CYP39A1: variants seen among roughly 807,000 people sequenced by gnomAD.
The protein encoded by CYP39A1 is cytochrome P450 family 39 subfamily A member 1.
A neutral mutation model predicts 58.1 loss-of-function variants in CYP39A1; 49 were observed. That is an observed-to-expected ratio of 0.84 (90% confidence interval 0.67 to 1.07). CYP39A1 has a LOEUF of 1.07. CYP39A1 is among the 50% of genes least tolerant of loss of function. The pLI is 0.00. For missense variants in CYP39A1, 531 were observed against 539.4 expected, an observed-to-expected ratio of 0.98 and a Z score of 0.16; for synonymous variants, 209 against 187.6, an observed-to-expected ratio of 1.11 and a Z score of -0.93.
In CYP39A1 at chr6:46,575,086, G is replaced by A. The variant is rs577578776; in HGVS notation, c.1250+11991C>T. ...AGAGCCTCCTAAAGAAAGGGTAAGT[G>A]AAATAGGCATGGAGTGGCTCACCTT... On this transcript the variant is annotated intron_variant, in intron 10 of 11. Coordinates refer to ENST00000275016, the MANE Select transcript of CYP39A1 (RefSeq NM_016593.5). Among the ~76,000 whole-genome samples the A allele has an allele frequency of 2.5e-3, 378 of 152,222 alleles. 1 individual carries two copies. The highest frequency in any genetic ancestry group is 2.9e-3 in the Non-Finnish European group (197 of 68,008).
intron 7 of CYP39A1, among the ~76,000 whole-genome samples, chr6:46,596,949 T>G (rs796872690): frequency 2.0e-5 from 3 of 152,268 alleles, no homozygotes; most frequent in African/African-American, 7.2e-5. Context: ...TCAGTTTAAT[T>G]AAGTCAACGC....
chr6:46,591,698 A>T (rs1772846968), intron 8 of CYP39A1, among the ~76,000 whole-genome samples: 1 of 152,082 alleles, frequency 6.6e-6, no homozygotes, highest in African/African-American at 2.4e-5. Flanking sequence ...GGGATCATGA[A>T]ACCAAAAAGT....
intron 7 of CYP39A1, among the ~76,000 whole-genome samples, chr6:46,607,105 A>G (rs950896124): frequency 6.6e-6 from 1 of 152,188 alleles, no homozygotes; most frequent in African/African-American, 2.4e-5. Flanking sequence ...AAAGCCTTCA[A>G]CCTTGCTACT....
At chr6:46,608,468 A>C (rs190468604) in intron 7 of CYP39A1, among the ~76,000 whole-genome samples, 284 of 152,232 alleles carry the variant, frequency 1.9e-3, no homozygotes, top group Non-Finnish European at 3.2e-3. Context: ...TCATTTCAGG[A>C]ATTTTTAAAA....
At chr6:46,623,148 T>C (rs16874867) in intron 7 of CYP39A1, among the ~76,000 whole-genome samples, 11,177 of 152,142 alleles carry the variant, frequency 0.073, 705 homozygotes, top group Admixed American at 0.17. Flanking sequence ...TCCTGTTCCA[T>C]GCCTGTGATG....
intron 1 of CYP39A1, among the ~76,000 whole-genome samples, chr6:46,649,082 G>A (rs563282783): frequency 1.4e-4 from 21 of 152,266 alleles, no homozygotes; most frequent in African/African-American, 4.3e-4. Flanking sequence ...ACAGAATTTC[G>A]TAACTAAAGA....
intron 10 of CYP39A1, among the ~76,000 whole-genome samples, chr6:46,560,619 T>C (rs577259297): frequency 2.6e-5 from 4 of 152,082 alleles, no homozygotes; most frequent in Non-Finnish European, 5.9e-5. Flanking sequence ...AAAGAAGATG[T>C]TGAATGGAAG....
At chr6:46,569,523 T>C (rs1771469666) in intron 10 of CYP39A1, among the ~76,000 whole-genome samples, 1 of 152,106 alleles carries the variant, frequency 6.6e-6, no homozygotes, top group African/African-American at 2.4e-5. Flanking sequence ...ATATGGCCTT[T>C]ATTATGTTGA....
chr6:46,575,571 A>G (rs1771805144), intron 10 of CYP39A1, among the ~76,000 whole-genome samples: 1 of 152,090 alleles, frequency 6.6e-6, no homozygotes. Flanking sequence ...TCCCACATTG[A>G]TGTGCACTCA....
intron 10 of CYP39A1, among the ~76,000 whole-genome samples, chr6:46,555,073 ACG>A (rs1048068635): frequency 9.4e-5 from 14 of 149,328 alleles, no homozygotes; most frequent in African/African-American, 2.7e-4. Flanking sequence ...ACACACACAC[ACG>A]CAATCTTTCA....
chr6:46,577,026 T>C (rs1322986881), intron 10 of CYP39A1, among the ~76,000 whole-genome samples: 4 of 152,070 alleles, frequency 2.6e-5, no homozygotes, highest in Non-Finnish European at 5.9e-5. Context: ...GAGCCAGCAA[T>C]GGAGAAGGGG....
intron 7 of CYP39A1, among the ~76,000 whole-genome samples, chr6:46,604,722 C>G (rs749001200): frequency 2.2e-4 from 34 of 152,032 alleles, no homozygotes; most frequent in Admixed American, 1.7e-3. Flanking sequence ...TATATGGCAC[C>G]CATTTTTCAT....
intron 2 of CYP39A1, among the ~76,000 whole-genome samples, chr6:46,640,069 C>A (rs142711656): frequency 1.6e-3 from 248 of 152,226 alleles, no homozygotes; most frequent in African/African-American, 5.7e-3. Flanking sequence ...CAACATCACA[C>A]CACTGCACTC....
chr6:46,584,136 C>T (rs1772320168), intron 10 of CYP39A1, among the ~76,000 whole-genome samples: 1 of 152,086 alleles, frequency 6.6e-6, no homozygotes, highest in African/African-American at 2.4e-5. Context: ...TATTTTATTT[C>T]TCTTTAGAAA....
intron 10 of CYP39A1, among the ~76,000 whole-genome samples, chr6:46,556,629 A>C (rs1308779679): frequency 6.6e-6 from 1 of 152,198 alleles, no homozygotes; most frequent in Non-Finnish European, 1.5e-5. Flanking sequence ...CATTAGCTAG[A>C]GCTCTTAAAT....
At chr6:46,614,537 C>T (rs181598794) in intron 7 of CYP39A1, among the ~76,000 whole-genome samples, 1 of 152,222 alleles carries the variant, frequency 6.6e-6, no homozygotes, top group East Asian at 1.9e-4. Context: ...ATAGATGTGT[C>T]TTTTCTTCTT....
intron 10 of CYP39A1, among the ~76,000 whole-genome samples, chr6:46,558,901 C>A (rs1770811828): frequency 6.7e-6 from 1 of 149,168 alleles, no homozygotes; most frequent in African/African-American, 2.5e-5. Flanking sequence ...GAGGCTGAGG[C>A]AGGAGAATTG....
intron 7 of CYP39A1, among the ~76,000 whole-genome samples, chr6:46,598,696 G>A (rs1268438549): frequency 6.6e-6 from 1 of 152,114 alleles, no homozygotes; most frequent in Non-Finnish European, 1.5e-5. Flanking sequence ...GGAGAATAAA[G>A]TGCTAAGGAA....
At chr6:46,567,383 T>C (rs1771349744) in intron 10 of CYP39A1, among the ~76,000 whole-genome samples, 1 of 152,148 alleles carries the variant, frequency 6.6e-6, no homozygotes, top group African/African-American at 2.4e-5. Flanking sequence ...ATCAACACTT[T>C]GGTTGTTTTA....
Sources: gnomAD v4.1 joint callset for allele counts (sites outside exome capture counted in the v4.1 genomes callset) on GRCh38, gnomAD v4.1.1 for gene constraint, MANE v1.5 for transcripts, NCBI Gene and HGNC (gene_info 2026-07-23, HGNC 2026-07-21) for gene names.